TMEM200A: variants seen among roughly 807,000 people sequenced by gnomAD.
TMEM200A encodes the protein two transmembrane C.
In TMEM200A, 12 loss-of-function variants were observed where a neutral mutation model predicts 24.3. That is an observed-to-expected ratio of 0.49 (90% CI 0.32 to 0.80). TMEM200A has a LOEUF of 0.80. Among genes scored for constraint, TMEM200A ranks in the 30% least tolerant of loss-of-function variants. The probability of loss-of-function intolerance (pLI) is 0.04; values close to 1 mark genes in which losing one functional copy is unlikely to be tolerated. For missense variants in TMEM200A, 545 were observed against 614.4 expected (o/e 0.89, Z 1.19); for synonymous variants, 224 against 224.4 (o/e 1.00, Z 0.02).
chr6:130,436,668 A>G (rs1417552011), intron 2 of TMEM200A, among the ~76,000 whole-genome samples: 1 of 80,844 alleles, frequency 1.2e-5, no homozygotes, highest in Admixed American at 2.0e-4. Flanking sequence ...TTTTTCAGAG[A>G]GACAGGTTCT....
chr6:130,430,557 G>A (rs554718312), intron 2 of TMEM200A, among the ~76,000 whole-genome samples: 4 of 152,138 alleles, frequency 2.6e-5, no homozygotes, highest in South Asian at 4.1e-4. Flanking sequence ...AATAGTCGCA[G>A]CCTTCTCCAC....
intron 2 of TMEM200A, among the ~76,000 whole-genome samples, chr6:130,396,605 A>C (rs913303186): frequency 3.3e-5 from 5 of 152,078 alleles, no homozygotes; most frequent in African/African-American, 1.2e-4. Flanking sequence ...TCAAAACCAT[A>C]TACATTATAT....
chr6:130,400,961 TA>T (rs1423460090), intron 2 of TMEM200A, among the ~76,000 whole-genome samples: 1 of 152,056 alleles, frequency 6.6e-6, no homozygotes, highest in Non-Finnish European at 1.5e-5. Context: ...TGATGGACCT[TA>T]CATCTAGGTC....
intron 1 of TMEM200A, chr6:130,381,893 C>T (rs1414710981): frequency 1.0e-6 from 1 of 985,098 alleles, no homozygotes; most frequent in African/African-American, 1.7e-5. Flanking sequence ...GGATGGTTAA[C>T]CGACCTGTCT....
chr6:130,417,389 G>T (rs1469248702), intron 2 of TMEM200A, among the ~76,000 whole-genome samples: 2 of 152,168 alleles, frequency 1.3e-5, no homozygotes, highest in Non-Finnish European at 2.9e-5. Context: ...CTTTTTAAAA[G>T]TTAGTTTGAA....
At chr6:130,429,464 C>T (rs1420223528) in intron 2 of TMEM200A, among the ~76,000 whole-genome samples, 1 of 152,010 alleles carries the variant, frequency 6.6e-6, no homozygotes, top group Non-Finnish European at 1.5e-5. Flanking sequence ...AATATTGACC[C>T]AAATACATAC....
intron 2 of TMEM200A, among the ~76,000 whole-genome samples, chr6:130,421,927 A>G (rs750113089): frequency 2.0e-5 from 3 of 152,172 alleles, no homozygotes; most frequent in Non-Finnish European, 4.4e-5. Flanking sequence ...GTATATATAC[A>G]TGTTTATCAC....
rs548122588 is a variant in TMEM200A, at chr6:130,401,401, C to T, written c.-17+16165C>T. On this transcript the variant is annotated intron_variant, in intron 2 of 2. Coordinates refer to ENST00000296978, the MANE Select transcript of TMEM200A (RefSeq NM_001258277.2). ...TGCTTGCTTGCTTGCTTCTTTCTTT[C>T]TTTTTCTTTCTTTCTCTTTCTTTCT... Among the ~76,000 whole-genome samples the T allele has an allele frequency of 2.5e-3, 198 of 80,594 alleles. No individual in the cohort carries two copies. In the African/African-American group the frequency reaches 0.026, roughly 10 times the overall value. 52.9% of individuals were successfully genotyped at this position (80,594 alleles called of 152,430 possible).
chr6:130,393,530 T>C (rs1778884271), intron 2 of TMEM200A, among the ~76,000 whole-genome samples: 1 of 152,212 alleles, frequency 6.6e-6, no homozygotes, highest in Admixed American at 6.5e-5. Context: ...CGGCTTCACA[T>C]GCGAGCCTGA....
At chr6:130,378,017 T>G (rs914030367) in intron 1 of TMEM200A, among the ~76,000 whole-genome samples, 1 of 151,964 alleles carries the variant, frequency 6.6e-6, no homozygotes, top group Non-Finnish European at 1.5e-5. Context: ...GAATAGAAAG[T>G]GCAAAGGCCA....
At chr6:130,411,668 T>G (rs1011972563) in intron 2 of TMEM200A, among the ~76,000 whole-genome samples, 5 of 152,204 alleles carry the variant, frequency 3.3e-5, no homozygotes, top group African/African-American at 1.2e-4. Flanking sequence ...AGTTATTTCA[T>G]AGAGTGTCTC....
chr6:130,379,204 T>C (rs1778538203), intron 1 of TMEM200A, among the ~76,000 whole-genome samples: 1 of 152,220 alleles, frequency 6.6e-6, no homozygotes, highest in Non-Finnish European at 1.5e-5. Context: ...GAACAAAATT[T>C]TGTTGTTGAT....
chr6:130,386,407 A>G (rs1778712986), intron 2 of TMEM200A, among the ~76,000 whole-genome samples: 1 of 152,180 alleles, frequency 6.6e-6, no homozygotes, highest in Non-Finnish European at 1.5e-5. Flanking sequence ...TGCTCTAAAG[A>G]TGCACCTTTT....
intron 2 of TMEM200A, among the ~76,000 whole-genome samples, chr6:130,430,288 C>CGGTA (rs2115207246): frequency 6.6e-6 from 1 of 152,004 alleles, no homozygotes; most frequent in African/African-American, 2.4e-5. Context: ...TGGACTCTAC[C>CGGTA]CTCAGGATCT....
chr6:130,411,970 G>A (rs1266678676), intron 2 of TMEM200A, among the ~76,000 whole-genome samples: 1 of 152,020 alleles, frequency 6.6e-6, no homozygotes, highest in African/African-American at 2.4e-5. Flanking sequence ...TTATGGTCTT[G>A]TAGTTTAGTA....
In TMEM200A at chr6:130,441,978, TG is replaced by T; in HGVS notation, c.*81del. 7.4e-7 allele frequency: 1 copy of T among 1,354,670 alleles called. No individual in the cohort carries two copies. The highest frequency in any genetic ancestry group is 1.0e-6 in the Non-Finnish European group (1 of 1,000,488). The allele number at this position is 1,354,670 out of a possible 1,614,324, so 83.9% of individuals were successfully genotyped here. On this transcript the variant is annotated 3_prime_UTR_variant, in exon 3 of 3. Transcript: ENST00000296978. ...GGTGTTTCCTTCTTAAAGTATTGGCTGTAAGCCTTTTTAATCAAATGGTTTG... is the reference window on the plus strand; with the variant it reads ...GGTGTTTCCTTCTTAAAGTATTGGCTTAAGCCTTTTTAATCAAATGGTTTG...
At chr6:130,403,192 A>T (rs1779127081) in intron 2 of TMEM200A, among the ~76,000 whole-genome samples, 1 of 152,112 alleles carries the variant, frequency 6.6e-6, no homozygotes, top group South Asian at 2.1e-4. Flanking sequence ...TACATTAATG[A>T]TCACTAATTA....
intron 2 of TMEM200A, among the ~76,000 whole-genome samples, chr6:130,434,457 C>A (rs551784763): frequency 3.4e-4 from 51 of 152,206 alleles, no homozygotes; most frequent in African/African-American, 1.2e-3. Flanking sequence ...TATAATTGAA[C>A]CATGTCTAAT....
chr6:130,381,711 T>TTTG (rs751993888), intron 1 of TMEM200A, among the ~76,000 whole-genome samples: 5 of 152,146 alleles, frequency 3.3e-5, no homozygotes, highest in African/African-American at 9.7e-5. Context: ...AGGCTACCTC[T>TTTG]TTGTTGTTGT....
Sources: allele counts gnomAD v4.1 joint callset (sites outside exome capture counted in the v4.1 genomes callset), GRCh38; gene constraint gnomAD v4.1.1; transcripts MANE v1.5; gene names NCBI Gene and HGNC (gene_info 2026-07-23, HGNC 2026-07-21).